FOXK1: variants seen among roughly 807,000 people sequenced by gnomAD.
FOXK1 encodes the protein forkhead box protein K1.
FOXK1 carries 19 observed loss-of-function variants against 51.9 expected under a neutral mutation model. The ratio of observed to expected loss-of-function variants is 0.37; its 90% CI spans 0.26 to 0.54. The LOEUF (loss-of-function observed/expected upper bound fraction) is 0.54, where lower values mean the gene tolerates loss of function less well. FOXK1 is among the 20% of genes least tolerant of loss of function. FOXK1 has a pLI of 0.87. For missense variants in FOXK1, 870 were observed against 1,032.7 expected (o/e 0.84, Z 2.16); for synonymous variants, 537 against 482.6 (o/e 1.11, Z -1.48).
rs942631151 is a variant in FOXK1 at position 4,755,177 on chromosome 7, G to A, written c.904-60G>A. On this transcript the variant is annotated intron_variant, in intron 3 of 8. Transcript: ENST00000328914. The surrounding 1 kb of genome is among the most constrained non-coding windows in gnomAD (Gnocchi z 6.6). ...TTCCTCCCCATCAGCTGTGACGGGT[G>A]GGTGGGGTAGACTCAGGGACCTTGC... The A allele has an allele frequency of 2.7e-5, 43 of 1,586,978 alleles. No homozygotes were observed. In the Admixed American group the frequency reaches 6.4e-4, roughly 24 times the overall value.
chr7:4,710,554 A>G (rs1418734309), intron 1 of FOXK1, among the ~76,000 whole-genome samples: 1 of 152,228 alleles, frequency 6.6e-6, no homozygotes. Context: ...CAGCTTGGGC[A>G]ACAGAGTGAG....
intron 1 of FOXK1, among the ~76,000 whole-genome samples, chr7:4,724,923 A>T (rs1780359351): frequency 6.6e-6 from 1 of 152,228 alleles, no homozygotes; most frequent in African/African-American, 2.4e-5. Context: ...GGGGAGCAGG[A>T]AAGTCACCTT....
chr7:4,742,529 A>C (rs1780648779), intron 2 of FOXK1, among the ~76,000 whole-genome samples: 1 of 151,632 alleles, frequency 6.6e-6, no homozygotes, highest in South Asian at 2.1e-4. Context: ...CGGTCTCCCC[A>C]CCTCAGCCTC....
In FOXK1 at chr7:4,755,114, A is replaced by G. The variant is rs113795036; in HGVS notation, c.904-123A>G. 3.6e-4 allele frequency: 444 copies of G among 1,247,132 alleles called. 3 individuals carry two copies. The African/African-American group carries it at 5.4e-3, about 15-fold the overall frequency. 77.3% of individuals were successfully genotyped at this position (1,247,132 alleles called of 1,614,324 possible). A position where few individuals can be genotyped will look rare whatever the true frequency, so the allele number is the denominator to read the frequency against. Reference sequence around the variant, plus strand: ...AATGGGATAGTTGGAGGGCACTGGGACGGGTGCCGGCAAGACGCGCACATT... The same window carrying G: ...AATGGGATAGTTGGAGGGCACTGGGGCGGGTGCCGGCAAGACGCGCACATT... On this transcript the variant is annotated intron_variant, in intron 3 of 8. Transcript: ENST00000328914. This position sits in a 1 kb window ranked among gnomAD's most constrained non-coding sequence, Gnocchi z 6.6.
At position 4,733,199 on chromosome 7, in the gene FOXK1, TA is replaced by T. The variant is rs1475599193; in HGVS notation, c.561-7638del. Among the ~76,000 whole-genome samples, 2 of 152,040 alleles carry T rather than the reference TA, an allele frequency of 1.3e-5. No individual in the cohort carries two copies. The highest frequency in any genetic ancestry group is 2.4e-5 in the African/African-American group (1 of 41,392). On this transcript the variant is annotated intron_variant, in intron 1 of 8. Transcript: ENST00000328914. This position sits in a 1 kb window ranked among gnomAD's most constrained non-coding sequence, Gnocchi z 5.0. ...ACGGTCTTTTTTTTTTTAATTTTAT[TA>T]TTTTTTTATTTCAAGCTGGGTTCTT...
Position 4,762,742 on chromosome 7 carries a change from G to C in FOXK1, c.*278G>C, listed in dbSNP as rs1780953508. ...CCTCGGCACCACCTCCTCTCCCCAG[G>C]CCTCCCTGTCGGGCATGGGGAGGAG... On this transcript the variant is annotated 3_prime_UTR_variant, in exon 9 of 9. Coordinates refer to ENST00000328914, the MANE Select transcript of FOXK1 (RefSeq NM_001037165.2). The surrounding 1 kb of genome is among the most constrained non-coding windows in gnomAD (Gnocchi z 5.7). 2.2e-6 allele frequency: 1 copy of C among 445,680 alleles called. No individual in the cohort carries two copies. The highest frequency in any genetic ancestry group is 4.2e-5 in the East Asian group (1 of 23,926). 27.6% of individuals were successfully genotyped at this position (445,680 alleles called of 1,614,324 possible).
chr7:4,770,786 T>C lies in FOXK1; in HGVS notation c.*8322T>C, dbSNP rs1781087300. Reference sequence around the variant, plus strand: ...CGTGCAGGAGGGGTTAAAGCCAATATTGAGTTTTTGTTCTTGTTGTTTTAA... The same window carrying C: ...CGTGCAGGAGGGGTTAAAGCCAATACTGAGTTTTTGTTCTTGTTGTTTTAA... On this transcript the variant is annotated 3_prime_UTR_variant, in exon 9 of 9. Transcript: ENST00000328914. The C allele has an allele frequency of 6.6e-6, 1 of 151,862 alleles. No individual in the cohort carries two copies. Among genetic ancestry groups the C allele is most frequent in the South Asian group, 2.1e-4 (1 of 4,812 alleles). 9.4% of individuals were successfully genotyped at this position (151,862 alleles called of 1,614,324 possible).
chr7:4,749,357 G>A lies in FOXK1; in HGVS notation c.747-5102G>A, dbSNP rs1780745893. On this transcript the variant is annotated intron_variant, in intron 2 of 8. Transcript: ENST00000328914. The surrounding 1 kb of genome is among the most constrained non-coding windows in gnomAD (Gnocchi z 6.0). The stretch of plus-strand genomic sequence containing the variant: ...CTTCCTCAAACCACAGATGTGCCTT[G>A]GCCGGCTGTTGTGTTTAACAGTGAG... 6.6e-6 allele frequency among the ~76,000 whole-genome samples: 1 copy of A among 152,118 alleles called. No homozygotes were observed. The highest frequency in any genetic ancestry group is 2.1e-4 in the South Asian group (1 of 4,834).
intron 1 of FOXK1, among the ~76,000 whole-genome samples, chr7:4,736,034 A>T (rs756912321): frequency 8.9e-4 from 136 of 152,124 alleles, no homozygotes; most frequent in Admixed American, 4.8e-3. Context: ...CTGTAATCCC[A>T]GCTACTCAGG....
rs1367170079 is a variant in FOXK1 at position 4,734,359 on chromosome 7, G to T, written c.561-6479G>T. Among the ~76,000 whole-genome samples the T allele has an allele frequency of 1.3e-5, 2 of 152,214 alleles. No individual in the cohort carries two copies. The highest frequency in any genetic ancestry group is 2.4e-5 in the African/African-American group (1 of 41,454). ...GCAAGATTTCCCGTTTCCCCTGGCTGTGGCTCTTGTGGTCCTGGCCTTGGT... is the reference window on the plus strand; with the variant it reads ...GCAAGATTTCCCGTTTCCCCTGGCTTTGGCTCTTGTGGTCCTGGCCTTGGT... On this transcript the variant is annotated intron_variant, in intron 1 of 8. Coordinates refer to ENST00000328914, the MANE Select transcript of FOXK1 (RefSeq NM_001037165.2). The surrounding 1 kb of genome is among the most constrained non-coding windows in gnomAD (Gnocchi z 5.2).
intron 1 of FOXK1, among the ~76,000 whole-genome samples, chr7:4,705,984 G>GTATATATATACGTATATATACGTATA (rs1491183158): frequency 4.5e-5 from 4 of 87,934 alleles, no homozygotes; most frequent in African/African-American, 3.8e-4. Flanking sequence ...GTATATATAC[G>GTATATATATACGTATATATACGTATA]TATATATACG....
chr7:4,722,555 C>T lies in FOXK1; in HGVS notation c.561-18283C>T, dbSNP rs1780328389. Among the ~76,000 whole-genome samples the T allele has an allele frequency of 6.6e-6, 1 of 152,344 alleles. No homozygotes were observed. Among genetic ancestry groups the T allele is most frequent in the Non-Finnish European group, 1.5e-5 (1 of 68,040 alleles). ...CGGGTACACTCGTGCCTGTTAACCG[C>T]ACACCTGCGTGCAGCACGGGCACAC... On this transcript the variant is annotated intron_variant, in intron 1 of 8. Coordinates refer to ENST00000328914, the MANE Select transcript of FOXK1 (RefSeq NM_001037165.2). The surrounding 1 kb of genome is among the most constrained non-coding windows in gnomAD (Gnocchi z 5.1).
At chr7:4,706,679 G>A (rs918478623) in intron 1 of FOXK1, among the ~76,000 whole-genome samples, 5 of 152,206 alleles carry the variant, frequency 3.3e-5, no homozygotes, top group African/African-American at 7.2e-5. Flanking sequence ...AATTGTTTTC[G>A]GAGTGCAGAA....
rs1780658550 is a variant in FOXK1, at chr7:4,743,265, T to A, written c.746+2242T>A. Among the ~76,000 whole-genome samples the A allele has an allele frequency of 6.6e-6, 1 of 152,134 alleles. No homozygotes were observed. The highest frequency in any genetic ancestry group is 2.4e-5 in the African/African-American group (1 of 41,430). ...ATATCCTAAAAGTCACTTTAAAGAG[T>A]GAACTGGCCGGGCGCGGTGGCTCAC... On this transcript the variant is annotated intron_variant, in intron 2 of 8. Transcript: ENST00000328914. The surrounding 1 kb of genome is among the most constrained non-coding windows in gnomAD (Gnocchi z 5.3).
intron 2 of FOXK1, among the ~76,000 whole-genome samples, chr7:4,754,136 G>A (rs1349892074): frequency 1.3e-5 from 2 of 152,192 alleles, no homozygotes; most frequent in Admixed American, 1.3e-4. Context: ...CTGTAGGGGT[G>A]TGTGTGGGGG....
rs778185238 is a variant in FOXK1, at chr7:4,707,665, G to T, written c.560+24797G>T. On this transcript the variant is annotated intron_variant, in intron 1 of 8. Transcript: ENST00000328914. The surrounding 1 kb of genome is among the most constrained non-coding windows in gnomAD (Gnocchi z 4.1). ...GGTGCCATTCGTATCTGATTCATGC[G>T]TGTGCGACCAGTACTCCATTTCACT... Among the ~76,000 whole-genome samples, 2 of 151,156 alleles carry T rather than the reference G, an allele frequency of 1.3e-5. No individual in the cohort carries two copies. The highest frequency in any genetic ancestry group is 2.5e-5 in the African/African-American group (1 of 40,742).
rs1168278060 is a variant in FOXK1 at position 4,761,603 on chromosome 7, C to G, written c.1921+315C>G. ...ACTTAGCCAGGTGTGGTGTTGCACG[C>G]TCATGGTCCCAGCTGCTTGGGAGAG... On this transcript the variant is annotated intron_variant, in intron 8 of 8. Transcript: ENST00000328914. This position sits in a 1 kb window ranked among gnomAD's most constrained non-coding sequence, Gnocchi z 6.2. Among the ~76,000 whole-genome samples the G allele has an allele frequency of 6.6e-6, 1 of 152,102 alleles. No homozygotes were observed. Among genetic ancestry groups the G allele is most frequent in the Non-Finnish European group, 1.5e-5 (1 of 68,026 alleles).
chr7:4,694,749 C>CA (rs1487449850), intron 1 of FOXK1, among the ~76,000 whole-genome samples: 2 of 152,260 alleles, frequency 1.3e-5, no homozygotes, highest in Middle Eastern at 3.4e-3. Context: ...CCACAGGGGT[C>CA]AGTTAGTAGC....
In FOXK1 at chr7:4,709,051, G is replaced by A. The variant is rs1275567884; in HGVS notation, c.560+26183G>A. 3.6e-5 allele frequency among the ~76,000 whole-genome samples: 5 copies of A among 140,550 alleles called. No individual in the cohort carries two copies. Among genetic ancestry groups the A allele is most frequent in the South Asian group, 2.2e-4 (1 of 4,548 alleles). The allele number at this position is 140,550 out of a possible 152,430, so 92.2% of individuals were successfully genotyped here. On this transcript the variant is annotated intron_variant, in intron 1 of 8. Coordinates refer to ENST00000328914, the MANE Select transcript of FOXK1 (RefSeq NM_001037165.2). This position sits in a 1 kb window ranked among gnomAD's most constrained non-coding sequence, Gnocchi z 5.6. ...CTGCACTCCAGCCTGGGCAATGAGCGAGACTCTGTCTCAAAAAAAAAAAAA... is the reference window on the plus strand; with the variant it reads ...CTGCACTCCAGCCTGGGCAATGAGCAAGACTCTGTCTCAAAAAAAAAAAAA...
Sources: allele counts gnomAD v4.1 joint callset (sites outside exome capture counted in the v4.1 genomes callset), GRCh38; gene constraint gnomAD v4.1.1; non-coding constraint Gnocchi (gnomAD v3.1); transcripts MANE v1.5; gene names NCBI Gene and HGNC (gene_info 2026-07-23, HGNC 2026-07-21).